DLGAP5: variants seen among roughly 807,000 people sequenced by gnomAD.
The protein encoded by DLGAP5 is disks large-associated protein 5.
A neutral mutation model predicts 99.6 loss-of-function variants in DLGAP5; 90 were observed. That is an observed-to-expected ratio of 0.90 (90% CI 0.76 to 1.08). The LOEUF (loss-of-function observed/expected upper bound fraction) is 1.08. Ranked by LOEUF, DLGAP5 falls within the 50% of genes least tolerant of loss-of-function variation. The pLI is 0.00. For synonymous variants in DLGAP5, 311 were observed against 321.3 expected (o/e 0.97, Z 0.34); for missense variants, 1,036 against 983.5 (o/e 1.05, Z -0.71).
At chr14:55,171,091 A>G (rs886911814) in intron 10 of DLGAP5, among the ~76,000 whole-genome samples, 18 of 152,224 alleles carry the variant, frequency 1.2e-4, no homozygotes, top group African/African-American at 4.3e-4. Context: ...TCAAAGTCAG[A>G]CATTCCTAAA....
At chr14:55,156,742 A>G (rs1368383371) in intron 14 of DLGAP5, among the ~76,000 whole-genome samples, 1 of 152,228 alleles carries the variant, frequency 6.6e-6, no homozygotes, top group Non-Finnish European at 1.5e-5. Context: ...GTACCCTGAA[A>G]CAAATACTGT....
chr14:55,152,796 T>C, intron 15 of DLGAP5, 149 bp from the exon 16 acceptor site: 1 of 598,114 alleles, frequency 1.7e-6, no homozygotes, highest in Non-Finnish European at 2.7e-6. Flanking sequence ...TCCAGATAGA[T>C]TAGTTTTGGA....
chr14:55,171,348 G>C lies in DLGAP5; in HGVS notation c.1302-561C>G, dbSNP rs563750256. 2.6e-5 allele frequency among the ~76,000 whole-genome samples: 4 copies of C among 152,254 alleles called. No homozygotes were observed. In the South Asian group the frequency reaches 6.2e-4, roughly 24 times the overall value. On this transcript the variant is annotated intron_variant, in intron 10 of 18. Transcript: ENST00000247191. ...GACTGGAGGAGTGCTACTGGCCAGG[G>C]ATGCTACAAAACATCCTACGATGTA...
At chr14:55,170,823 G>GT (rs771601799) in intron 10 of DLGAP5, 36 bp from the exon 11 acceptor site, 1 of 1,477,984 alleles carries the variant, frequency 6.8e-7, no homozygotes, top group Non-Finnish European at 9.5e-7. Flanking sequence ...TCTACAAGTG[G>GT]TTTTTACACT....
At chr14:55,168,924 C>A (rs1282763689) in intron 12 of DLGAP5, among the ~76,000 whole-genome samples, 7 of 152,050 alleles carry the variant, frequency 4.6e-5, no homozygotes, top group Non-Finnish European at 1.5e-5. Context: ...TGCCTGTAAT[C>A]CTAGCACTTT....
intron 12 of DLGAP5, among the ~76,000 whole-genome samples, chr14:55,164,748 C>A (rs956743273): frequency 6.6e-6 from 1 of 151,886 alleles, no homozygotes; most frequent in African/African-American, 2.4e-5. Flanking sequence ...GTAGTGAAAC[C>A]TCATCTCTAC....
intron 2 of DLGAP5, among the ~76,000 whole-genome samples, chr14:55,185,230 C>T (rs1340891377): frequency 2.0e-5 from 3 of 152,200 alleles, no homozygotes; most frequent in South Asian, 2.1e-4. Flanking sequence ...GGCAGAGTCT[C>T]GCACTGTCGC....
At chr14:55,185,021 T>C (rs1883386287) in intron 2 of DLGAP5, among the ~76,000 whole-genome samples, 1 of 152,228 alleles carries the variant, frequency 6.6e-6, no homozygotes, top group Admixed American at 6.5e-5. Flanking sequence ...AAGGACATTC[T>C]TCCAGCAACT....
At chr14:55,188,076 G>A (rs770254951) in intron 2 of DLGAP5, among the ~76,000 whole-genome samples, 14 of 152,166 alleles carry the variant, frequency 9.2e-5, no homozygotes, top group Non-Finnish European at 1.6e-4. Flanking sequence ...GAGCATTTGA[G>A]AGGACAAGAT....
chr14:55,179,756 A>G, intron 6 of DLGAP5, 57 bp from the exon 7 acceptor site: 1 of 1,411,136 alleles, frequency 7.1e-7, no homozygotes, highest in Non-Finnish European at 9.8e-7. Context: ...TGAAAATACT[A>G]GGTAACTTGG....
intron 12 of DLGAP5, 146 bp from the exon 13 acceptor site, chr14:55,163,221 T>C (rs891211782): frequency 2.3e-6 from 1 of 430,326 alleles, no homozygotes; most frequent in African/African-American, 2.0e-5. Flanking sequence ...CAATTTAGTG[T>C]TCAAATAATT....
chr14:55,170,914 G>T, intron 10 of DLGAP5, 127 bp from the exon 11 acceptor site: 1 of 637,590 alleles, frequency 1.6e-6, no homozygotes, highest in Admixed American at 2.6e-5. Context: ...TCCCAAAGTT[G>T]ATACTGAATT....
chr14:55,180,093 TCA>T (rs1283013300), intron 6 of DLGAP5, among the ~76,000 whole-genome samples: 1 of 152,144 alleles, frequency 6.6e-6, no homozygotes, highest in East Asian at 1.9e-4. Flanking sequence ...ATGTCAATGC[TCA>T]GAATTTTGGA....
intron 14 of DLGAP5, among the ~76,000 whole-genome samples, chr14:55,158,313 C>T (rs1184616659): frequency 1.3e-5 from 2 of 152,112 alleles, no homozygotes; most frequent in African/African-American, 4.8e-5. Flanking sequence ...AGACTTATCG[C>T]ACTTAAACTA....
In DLGAP5 at chr14:55,151,903, G is replaced by A. The variant is rs369636499; in HGVS notation, c.2160C>T (p.Ser720=). 13 of 1,613,534 alleles carry A rather than the reference G, an allele frequency of 8.1e-6. No homozygotes were observed. Among genetic ancestry groups the A allele is most frequent in the Non-Finnish European group, 1.1e-5 (13 of 1,179,860 alleles). ...NKTDLKVDCL[S]SERMSLPLLA... ...GAAGAGGCAAACTCATTCTCTCACT[G>A]GATAAACAATCCACCTTCAAGTCTG... Residue 720 remains serine, a synonymous_variant, in exon 17 of 19, where the codon TCC becomes TCT. Transcript: ENST00000247191.
chr14:55,187,139 C>T (rs539234225), intron 2 of DLGAP5, among the ~76,000 whole-genome samples: 1 of 151,792 alleles, frequency 6.6e-6, no homozygotes, highest in Admixed American at 6.6e-5. Context: ...CTCTTGACCT[C>T]GTGATCCACT....
At chr14:55,160,233 A>G (rs923160104) in intron 13 of DLGAP5, among the ~76,000 whole-genome samples, 8 of 151,602 alleles carry the variant, frequency 5.3e-5, no homozygotes, top group Non-Finnish European at 1.0e-4. Context: ...AAATAAAAAT[A>G]CAAGAAAAAA....
intron 14 of DLGAP5, among the ~76,000 whole-genome samples, chr14:55,155,179 C>T (rs1173121787): frequency 6.6e-6 from 1 of 151,904 alleles, no homozygotes; most frequent in Non-Finnish European, 1.5e-5. Flanking sequence ...TGCATGCCAC[C>T]ACGCCTGGCT....
At chr14:55,161,346 T>G (rs1005005838) in intron 13 of DLGAP5, among the ~76,000 whole-genome samples, 1 of 151,870 alleles carries the variant, frequency 6.6e-6, no homozygotes, top group Non-Finnish European at 1.5e-5. Flanking sequence ...TTGAAATCCA[T>G]TCAATCAATT....
Sources: allele counts gnomAD v4.1 joint callset (sites outside exome capture counted in the v4.1 genomes callset), GRCh38; gene constraint gnomAD v4.1.1; transcripts MANE v1.5; gene names NCBI Gene and HGNC (gene_info 2026-07-23, HGNC 2026-07-21).